Variants in TMEM178B observed in about 807,000 individuals in gnomAD.
The protein encoded by TMEM178B is transmembrane protein 178B.
In TMEM178B, 5 loss-of-function variants were observed where a neutral mutation model predicts 31.0. That is an observed-to-expected ratio of 0.16 (90% confidence interval 0.08 to 0.34). The LOEUF is 0.34. Ranked by LOEUF, TMEM178B falls within the 10% of genes least tolerant of loss-of-function variation. The pLI, the probability that TMEM178B is intolerant of heterozygous loss-of-function variation, is 1.00. For missense variants in TMEM178B, 275 were observed against 400.3 expected (o/e 0.69, Z 2.67); for synonymous variants, 164 against 164.0 (o/e 1.00, Z 0.00).
At chr7:141,430,495 T>C (rs1242764967) in intron 2 of TMEM178B, among the ~76,000 whole-genome samples, 2 of 152,220 alleles carry the variant, frequency 1.3e-5, no homozygotes, top group African/African-American at 4.8e-5. Flanking sequence ...CATTTACACA[T>C]GTGGAAACAG....
rs1263381092 is a variant in TMEM178B at position 141,346,023 on chromosome 7, CAT to C, written c.497-91584_497-91583del. 5.3e-3 allele frequency among the ~76,000 whole-genome samples: 809 copies of C among 152,142 alleles called. 7 individuals carry two copies. Among genetic ancestry groups the C allele is most frequent in the African/African-American group, 0.018 (764 of 41,516 alleles). The stretch of plus-strand genomic sequence containing the variant: ...CTGAGGCGGGCGGATCACGAGAGAC[CAT>C]CCTGGCTAACACAGTGAAACCCTGT... On this transcript the variant is annotated intron_variant, in intron 2 of 3. Coordinates refer to ENST00000565468, the MANE Select transcript of TMEM178B (RefSeq NM_001195278.2).
Position 141,451,168 on chromosome 7 carries a change from A to G in TMEM178B, c.634+13423A>G, listed in dbSNP as rs1801855618. On this transcript the variant is annotated intron_variant, in intron 3 of 3. Transcript: ENST00000565468. ...AAGTGTTAACAAAGGCCTCAGGGCCAGATGGAATGAATGTTATCTGGAGTC... is the reference window on the plus strand; with the variant it reads ...AAGTGTTAACAAAGGCCTCAGGGCCGGATGGAATGAATGTTATCTGGAGTC... 2.0e-5 allele frequency among the ~76,000 whole-genome samples: 3 copies of G among 152,350 alleles called. No homozygotes were observed. The South Asian group carries it at 6.2e-4, about 32-fold the overall frequency.
At chr7:141,425,917 CT>C (rs540790769) in intron 2 of TMEM178B, among the ~76,000 whole-genome samples, 268 of 152,306 alleles carry the variant, frequency 1.8e-3, no homozygotes, top group African/African-American at 5.8e-3. Flanking sequence ...CCTTCCCCCC[CT>C]ATCTCTTCCT....
intron 1 of TMEM178B, among the ~76,000 whole-genome samples, chr7:141,089,597 C>T (rs1228472428): frequency 6.6e-6 from 1 of 152,130 alleles, no homozygotes; most frequent in East Asian, 1.9e-4. Context: ...ATAGCAAAGA[C>T]TTGGAACTAA....
At chr7:141,357,396 C>T (rs934114578) in intron 2 of TMEM178B, among the ~76,000 whole-genome samples, 9 of 152,134 alleles carry the variant, frequency 5.9e-5, no homozygotes, top group East Asian at 1.9e-4. Flanking sequence ...TGTTTGTGGA[C>T]GTGTGAAATA....
chr7:141,155,763 A>G (rs1386501282), intron 1 of TMEM178B, among the ~76,000 whole-genome samples: 1 of 152,134 alleles, frequency 6.6e-6, no homozygotes, highest in African/African-American at 2.4e-5. Context: ...TCCTGGCATC[A>G]GGCATCTTAA....
intron 2 of TMEM178B, among the ~76,000 whole-genome samples, chr7:141,381,381 A>C (rs750420701): frequency 4.6e-5 from 7 of 152,194 alleles, no homozygotes; most frequent in Non-Finnish European, 1.0e-4. Context: ...TTTCCATTTG[A>C]TATTCCTGTG....
intron 1 of TMEM178B, among the ~76,000 whole-genome samples, chr7:141,114,702 C>T (rs974880251): frequency 6.6e-6 from 1 of 152,182 alleles, no homozygotes; most frequent in African/African-American, 2.4e-5. Flanking sequence ...CTTCCCTCTC[C>T]CCCAGTTTTT....
At chr7:141,396,453 C>G (rs910917451) in intron 2 of TMEM178B, among the ~76,000 whole-genome samples, 2 of 152,194 alleles carry the variant, frequency 1.3e-5, no homozygotes, top group African/African-American at 2.4e-5. Context: ...GCATTTGCCG[C>G]CTTGAAGGTC....
chr7:141,246,944 G>A (rs144103731), intron 2 of TMEM178B, among the ~76,000 whole-genome samples: 79 of 152,172 alleles, frequency 5.2e-4, no homozygotes, highest in African/African-American at 1.8e-3. Flanking sequence ...TAAAATAAAC[G>A]TCTGGTTATC....
intron 1 of TMEM178B, among the ~76,000 whole-genome samples, chr7:141,167,455 G>A (rs979179581): frequency 6.6e-6 from 1 of 152,260 alleles, no homozygotes; most frequent in African/African-American, 2.4e-5. Context: ...CCTCCTGCCA[G>A]TTCGTTGCTC....
At chr7:141,496,586 C>G in the TMEM178B span, among the ~76,000 whole-genome samples, 2 of 134,128 alleles carry the variant, frequency 1.5e-5, no homozygotes, top group African/African-American at 3.2e-5. Context: ...AGGAGAATGG[C>G]GTGAACCCGG....
chr7:141,295,953 G>A (rs960096056), intron 2 of TMEM178B, among the ~76,000 whole-genome samples: 13 of 152,110 alleles, frequency 8.5e-5, no homozygotes, highest in African/African-American at 2.9e-4. Flanking sequence ...TCCAGGCTTG[G>A]TGTCTGTAAC....
intron 1 of TMEM178B, among the ~76,000 whole-genome samples, chr7:141,148,866 C>T (rs1795903256): frequency 6.6e-6 from 1 of 152,122 alleles, no homozygotes; most frequent in African/African-American, 2.4e-5. Flanking sequence ...GGCTGAATGA[C>T]AAGAAGAGTG....
At chr7:141,414,075 A>ATTTT (rs1179943997) in intron 2 of TMEM178B, among the ~76,000 whole-genome samples, 2 of 58,336 alleles carry the variant, frequency 3.4e-5, no homozygotes, top group Non-Finnish European at 6.0e-5. Flanking sequence ...CAAAAACATC[A>ATTTT]TTTTTTTTTT....
At position 141,120,597 on chromosome 7, in the gene TMEM178B, G is replaced by GT. The variant is rs200520593; in HGVS notation, c.382+45913dup. Among the ~76,000 whole-genome samples, 378 of 151,808 alleles carry GT rather than the reference G, an allele frequency of 2.5e-3. 2 individuals carry two copies. Among genetic ancestry groups the GT allele is most frequent in the African/African-American group, 8.4e-3 (349 of 41,410 alleles). ...CCCTTGCCTTCTGTTTCCTAAGCCA[G>GT]TTTTTTTTAGAGGCAATGACTTTGG... is the stretch of plus-strand genomic sequence containing the variant. On this transcript the variant is annotated intron_variant, in intron 1 of 3. Coordinates refer to ENST00000565468, the MANE Select transcript of TMEM178B (RefSeq NM_001195278.2).
downstream of TMEM178B, among the ~76,000 whole-genome samples, chr7:141,482,129 C>T (rs542040201): frequency 3.5e-4 from 54 of 152,270 alleles, no homozygotes; most frequent in South Asian, 0.011. Flanking sequence ...TTAGCAGAGA[C>T]CTGGGTTTGT....
chr7:141,296,013 G>GA (rs1444820987), intron 2 of TMEM178B, among the ~76,000 whole-genome samples: 1 of 151,824 alleles, frequency 6.6e-6, no homozygotes. Flanking sequence ...CAAAGATGCA[G>GA]AAAAAAATTA....
At chr7:141,237,545 A>G (rs1797547101) in intron 2 of TMEM178B, among the ~76,000 whole-genome samples, 1 of 152,248 alleles carries the variant, frequency 6.6e-6, no homozygotes, top group Admixed American at 6.5e-5. Context: ...ATATATACAC[A>G]TATACATAGA....
Sources: allele counts gnomAD v4.1 joint callset (sites outside exome capture counted in the v4.1 genomes callset), GRCh38; gene constraint gnomAD v4.1.1; transcripts MANE v1.5; gene names NCBI Gene and HGNC (gene_info 2026-07-23, HGNC 2026-07-21).